WDFY3: variants seen among roughly 807,000 people sequenced by gnomAD.
WDFY3 encodes WD repeat and FYVE domain containing 3.
Under a neutral mutation model 409.6 loss-of-function variants are expected in WDFY3, and 66 were observed. The ratio of observed to expected loss-of-function variants is 0.16; its 90% CI spans 0.13 to 0.20. The LOEUF (loss-of-function observed/expected upper bound fraction) is 0.20. Among genes scored for constraint, WDFY3 ranks in the 10% least tolerant of loss-of-function variants. The pLI is 1.00. For missense variants in WDFY3, 3,031 were observed against 4,298.1 expected, an observed-to-expected ratio of 0.71 and a Z score of 8.24; for synonymous variants, 1,521 against 1,537.1, an observed-to-expected ratio of 0.99 and a Z score of 0.25.
chr4:84,777,570 G>A (rs775461619), intron 27 of WDFY3, among the ~76,000 whole-genome samples: 5 of 152,042 alleles, frequency 3.3e-5, no homozygotes, highest in Non-Finnish European at 7.4e-5. Flanking sequence ...TTTATTTAGG[G>A]GGAAGCTTCT....
chr4:84,937,702 A>T (rs1326042002), intron 1 of WDFY3, among the ~76,000 whole-genome samples: 1 of 152,112 alleles, frequency 6.6e-6, no homozygotes, highest in African/African-American at 2.4e-5. Context: ...AGAGTAGGCC[A>T]TTTTTTTAAA....
chr4:84,763,430 T>C (rs988766799), intron 32 of WDFY3, among the ~76,000 whole-genome samples: 2 of 151,886 alleles, frequency 1.3e-5, no homozygotes, highest in Non-Finnish European at 2.9e-5. Flanking sequence ...ACCCAATGCA[T>C]GTGGGGCTTA....
chr4:84,741,581 C>A (rs1322486563), intron 38 of WDFY3, among the ~76,000 whole-genome samples, 180 bp downstream of exon 38: 2 of 152,174 alleles, frequency 1.3e-5, no homozygotes, highest in South Asian at 4.1e-4. Flanking sequence ...TCCCAAAGTG[C>A]TGATACTACA....
chr4:84,863,287 G>T (rs1465053283), intron 3 of WDFY3, among the ~76,000 whole-genome samples: 1 of 152,124 alleles, frequency 6.6e-6, no homozygotes, highest in African/African-American at 2.4e-5. Flanking sequence ...TTAATTTCTT[G>T]AAGAATCTCT....
chr4:84,702,600 G>A, intron 55 of WDFY3, 94 bp from the exon 56 acceptor site: 1 of 1,132,278 alleles, frequency 8.8e-7, no homozygotes, highest in Non-Finnish European at 1.2e-6. Flanking sequence ...AACTATAGTT[G>A]GTGACATTTC....
intron 1 of WDFY3, among the ~76,000 whole-genome samples, chr4:84,959,197 G>A (rs1381441611): frequency 6.6e-6 from 1 of 152,038 alleles, no homozygotes; most frequent in Non-Finnish European, 1.5e-5. Flanking sequence ...GATGTGACTG[G>A]AGAAGCTGGA....
At chr4:84,953,256 G>A (rs988877277) in intron 1 of WDFY3, among the ~76,000 whole-genome samples, 3 of 151,508 alleles carry the variant, frequency 2.0e-5, no homozygotes, top group African/African-American at 4.8e-5. Flanking sequence ...TATTCACAGA[G>A]ACAGAGAATA....
chr4:84,788,823 C>A, intron 22 of WDFY3, among the ~76,000 whole-genome samples: 1 of 152,058 alleles, frequency 6.6e-6, no homozygotes, highest in East Asian at 1.9e-4. Flanking sequence ...AGTTTGAGAC[C>A]AGCCTGGCCA....
chr4:84,687,095 T>G (rs1728454836), intron 62 of WDFY3, among the ~76,000 whole-genome samples: 1 of 152,220 alleles, frequency 6.6e-6, no homozygotes, highest in Non-Finnish European at 1.5e-5. Context: ...CCCTTTTTAC[T>G]TTCCATACTC....
intron 2 of WDFY3, among the ~76,000 whole-genome samples, chr4:84,909,568 C>T (rs1391364906): frequency 6.6e-6 from 1 of 152,016 alleles, no homozygotes; most frequent in Non-Finnish European, 1.5e-5. Context: ...AACCTAAATA[C>T]AGTCATTCAT....
chr4:84,718,357 C>G, intron 48 of WDFY3, 65 bp downstream of exon 48: 4 of 1,500,264 alleles, frequency 2.7e-6, no homozygotes, highest in Non-Finnish European at 3.6e-6. Flanking sequence ...AAAAAGAAAA[C>G]TGCAAATACA....
intron 17 of WDFY3, among the ~76,000 whole-genome samples, chr4:84,799,940 A>C (rs559004743): frequency 6.6e-6 from 1 of 152,318 alleles, no homozygotes; most frequent in East Asian, 1.9e-4. Context: ...ATGCAATGTA[A>C]GTTATCTGGT....
intron 15 of WDFY3, among the ~76,000 whole-genome samples, chr4:84,805,889 A>G (rs947317151): frequency 6.6e-6 from 1 of 152,176 alleles, no homozygotes; most frequent in Admixed American, 6.5e-5. Flanking sequence ...ATTCTGTTCT[A>G]TTATTCCTTC....
chr4:84,834,092 TA>T (rs1216858071), intron 7 of WDFY3, among the ~76,000 whole-genome samples: 1 of 152,166 alleles, frequency 6.6e-6, no homozygotes, highest in Non-Finnish European at 1.5e-5. Flanking sequence ...TATTAGTGAT[TA>T]TAGTTGTTGT....
intron 3 of WDFY3, among the ~76,000 whole-genome samples, chr4:84,880,787 G>A (rs1299408008): frequency 2.2e-5 from 3 of 137,324 alleles, no homozygotes; most frequent in South Asian, 4.7e-4. Flanking sequence ...ATAGGATCTC[G>A]GCTCACTGCA....
chr4:84,683,899 A>T, intron 63 of WDFY3, 44 bp downstream of exon 63: 1 of 1,531,666 alleles, frequency 6.5e-7, no homozygotes, highest in Non-Finnish European at 8.9e-7. Flanking sequence ...CTGGTAAACT[A>T]GGATGACAAA....
Position 84,789,807 on chromosome 4 carries a change from C to A in WDFY3, c.3588G>T (p.Leu1196Phe). Residue 1196 changes from leucine (L) to phenylalanine (F), a missense_variant, in exon 22 of 68, where the codon TTG becomes TTT. Around this residue, in one of 16 missense-constraint regions of WDFY3, gnomAD observed 1,322 missense variants for 1,697.9 expected, o/e 0.78. Coordinates refer to ENST00000295888, the MANE Select transcript of WDFY3 (RefSeq NM_014991.6). ...ELIIEGQWHH[L>F]VLVMSKGMLK... ...ACATGCCTTTGCTCATTACCAGGACCAAATGATGCCACTGTCCCTCAATGA... is the reference window on the plus strand; with the variant it reads ...ACATGCCTTTGCTCATTACCAGGACAAAATGATGCCACTGTCCCTCAATGA... 1.2e-6 allele frequency: 2 copies of A among 1,614,018 alleles called. No homozygotes were observed. The highest frequency in any genetic ancestry group is 1.7e-6 in the Non-Finnish European group (2 of 1,180,020).
chr4:84,785,440 T>C (rs1747381188), intron 24 of WDFY3, among the ~76,000 whole-genome samples: 1 of 152,176 alleles, frequency 6.6e-6, no homozygotes, highest in South Asian at 2.1e-4. Flanking sequence ...AACGTCTCCT[T>C]GGACCACCAT....
At chr4:84,944,578 C>G (rs1030911997) in intron 1 of WDFY3, among the ~76,000 whole-genome samples, 19 of 151,522 alleles carry the variant, frequency 1.3e-4, no homozygotes, top group African/African-American at 4.6e-4. Flanking sequence ...AATCCCAGCA[C>G]TTTGTGGGGC....
Sources: allele counts gnomAD v4.1 joint callset (sites outside exome capture counted in the v4.1 genomes callset), GRCh38; gene constraint gnomAD v4.1.1; regional missense constraint gnomAD v4.1.1; transcripts MANE v1.5; gene names NCBI Gene and HGNC (gene_info 2026-07-23, HGNC 2026-07-21).